LRMDA: variants seen among roughly 807,000 people sequenced by gnomAD.
LRMDA encodes the protein leucine-rich melanocyte differentiation-associated protein.
In LRMDA, 18 loss-of-function variants were observed where a neutral mutation model predicts 29.8. The ratio of observed to expected loss-of-function variants is 0.60; its 90% CI spans 0.42 to 0.90. LRMDA has a LOEUF of 0.90. LRMDA is among the 40% of genes least tolerant of loss of function. The probability of loss-of-function intolerance (pLI) is 0.00; values close to 1 mark genes in which losing one functional copy is unlikely to be tolerated. For missense variants in LRMDA, 273 were observed against 273.9 expected (o/e 1.00, Z 0.02); for synonymous variants, 125 against 109.4 (o/e 1.14, Z -0.89).
At chr10:75,564,241 G>A (rs1348088750) in intron 2 of LRMDA, among the ~76,000 whole-genome samples, 2 of 152,122 alleles carry the variant, frequency 1.3e-5, no homozygotes, top group Non-Finnish European at 2.9e-5. Context: ...GCAATGGTGG[G>A]CGCCCCTCCC....
chr10:75,657,226 C>G (rs1397417761), intron 2 of LRMDA, among the ~76,000 whole-genome samples: 1 of 152,194 alleles, frequency 6.6e-6, no homozygotes, highest in Non-Finnish European at 1.5e-5. Context: ...AAATAAGAGA[C>G]TTAGTGTCCT....
chr10:75,603,712 G>A (rs1021571126), intron 2 of LRMDA, among the ~76,000 whole-genome samples: 6 of 152,142 alleles, frequency 3.9e-5, no homozygotes, highest in Non-Finnish European at 8.8e-5. Context: ...TCTAGATAAA[G>A]CACCTTAGAT....
intron 2 of LRMDA, among the ~76,000 whole-genome samples, chr10:75,991,979 C>T (rs1458891767): frequency 6.6e-6 from 1 of 152,126 alleles, no homozygotes; most frequent in Non-Finnish European, 1.5e-5. Context: ...AAGCCAAGGC[C>T]CAAGAGACTA....
intron 2 of LRMDA, among the ~76,000 whole-genome samples, chr10:75,607,076 A>T (rs1049020249): frequency 2.0e-5 from 3 of 152,234 alleles, no homozygotes; most frequent in African/African-American, 4.8e-5. Context: ...TTATGCAGCC[A>T]CTTGAATTAG....
At chr10:75,870,463 T>G (rs1389704778) in intron 2 of LRMDA, among the ~76,000 whole-genome samples, 5 of 152,214 alleles carry the variant, frequency 3.3e-5, no homozygotes, top group Admixed American at 6.5e-5. Context: ...GAAACCCCAT[T>G]GCAAAAGACT....
chr10:76,197,691 G>A (rs888661123), intron 5 of LRMDA, among the ~76,000 whole-genome samples: 1 of 152,084 alleles, frequency 6.6e-6, no homozygotes, highest in Non-Finnish European at 1.5e-5. Flanking sequence ...GGCCAAGGAA[G>A]GCGGATCACT....
intron 6 of LRMDA, among the ~76,000 whole-genome samples, chr10:76,328,172 T>C (rs1840860466): frequency 1.3e-5 from 2 of 152,188 alleles, no homozygotes; most frequent in South Asian, 4.1e-4. Flanking sequence ...CTCGTGGCAA[T>C]CTACATATTG....
At chr10:75,581,093 T>G (rs774637148) in intron 2 of LRMDA, among the ~76,000 whole-genome samples, 1 of 152,070 alleles carries the variant, frequency 6.6e-6, no homozygotes, top group Non-Finnish European at 1.5e-5. Flanking sequence ...CTAAAGAGCA[T>G]CTGCACAGGA....
At chr10:76,413,143 CT>C (rs1206935223) in intron 6 of LRMDA, among the ~76,000 whole-genome samples, 3 of 152,078 alleles carry the variant, frequency 2.0e-5, no homozygotes, top group Non-Finnish European at 4.4e-5. Flanking sequence ...TAATTGTGAC[CT>C]TTTTTCAAGA....
chr10:75,523,302 C>T (rs528872804), intron 2 of LRMDA, among the ~76,000 whole-genome samples: 2 of 152,272 alleles, frequency 1.3e-5, no homozygotes, highest in South Asian at 4.1e-4. Flanking sequence ...CTGAGGACGT[C>T]CTTGTTCCAT....
chr10:76,173,368 AAAGAG>A (rs1224969625), intron 5 of LRMDA, among the ~76,000 whole-genome samples: 1 of 151,440 alleles, frequency 6.6e-6, no homozygotes. Flanking sequence ...GTGAAACAGA[AAAGAG>A]AAAAGCAAAA....
intron 3 of LRMDA, among the ~76,000 whole-genome samples, chr10:76,046,377 C>T (rs1325429181): frequency 6.6e-6 from 1 of 152,154 alleles, no homozygotes; most frequent in Admixed American, 6.5e-5. Flanking sequence ...AATAATCTCC[C>T]CCATCATGCC....
At chr10:76,008,962 A>G (rs1847724378) in intron 2 of LRMDA, among the ~76,000 whole-genome samples, 1 of 152,212 alleles carries the variant, frequency 6.6e-6, no homozygotes, top group Admixed American at 6.5e-5. Context: ...TGGCATAGAT[A>G]TATCAAGTTC....
chr10:76,031,640 C>T (rs1008040630), intron 2 of LRMDA, among the ~76,000 whole-genome samples: 5 of 151,960 alleles, frequency 3.3e-5, no homozygotes, highest in Non-Finnish European at 5.9e-5. Flanking sequence ...AGCAGCCAGC[C>T]CTTGCAGGTC....
At chr10:76,338,256 C>T (rs992816293) in intron 6 of LRMDA, among the ~76,000 whole-genome samples, 2 of 151,922 alleles carry the variant, frequency 1.3e-5, no homozygotes, top group African/African-American at 2.4e-5. Flanking sequence ...ATATACCTGA[C>T]GTAGGAGGAC....
chr10:75,669,643 G>T (rs1841866928), intron 2 of LRMDA, among the ~76,000 whole-genome samples: 1 of 152,212 alleles, frequency 6.6e-6, no homozygotes, highest in South Asian at 2.1e-4. Context: ...TCAGTCAACT[G>T]CAGTTTGAAG....
chr10:75,948,713 C>T (rs1471260716), intron 2 of LRMDA, among the ~76,000 whole-genome samples: 1 of 152,062 alleles, frequency 6.6e-6, no homozygotes, highest in Non-Finnish European at 1.5e-5. Context: ...GCTGAGAGAA[C>T]CTTTTCTCCC....
At chr10:76,271,025 C>G (rs535628802) in intron 5 of LRMDA, among the ~76,000 whole-genome samples, 3 of 152,338 alleles carry the variant, frequency 2.0e-5, no homozygotes, top group African/African-American at 7.2e-5. Flanking sequence ...CTCTTTCCCC[C>G]TGTCCTTTGC....
chr10:75,725,610 G>A (rs1021681785), intron 2 of LRMDA, among the ~76,000 whole-genome samples: 37 of 152,284 alleles, frequency 2.4e-4, no homozygotes, highest in South Asian at 4.1e-4. Context: ...CAGGCCATTA[G>A]GTCTCACACC....
Sources: gnomAD v4.1 joint callset for allele counts (sites outside exome capture counted in the v4.1 genomes callset) on GRCh38, gnomAD v4.1.1 for gene constraint, MANE v1.5 for transcripts, NCBI Gene and HGNC (gene_info 2026-07-23, HGNC 2026-07-21) for gene names.